The following GPATCH8 variants were observed in gnomAD, a reference collection of about 807,000 sequenced individuals.
The protein encoded by GPATCH8 is G patch domain-containing protein 8.
Under a neutral mutation model 118.3 loss-of-function variants are expected in GPATCH8, and 18 were observed. That is an observed-to-expected ratio of 0.15 (90% CI 0.11 to 0.23). The LOEUF (loss-of-function observed/expected upper bound fraction) is 0.23, where lower values mean the gene tolerates loss of function less well. Among genes scored for constraint, GPATCH8 ranks in the 10% least tolerant of loss-of-function variants. The probability of loss-of-function intolerance (pLI) is 1.00; values close to 1 mark genes in which losing one functional copy is unlikely to be tolerated. For missense variants in GPATCH8, 1,631 were observed against 1,873.8 expected (o/e 0.87, Z 2.39); for synonymous variants, 659 against 684.7 (o/e 0.96, Z 0.59).
Position 44,399,465 on chromosome 17 carries a change from G to A in GPATCH8, c.2612C>T (p.Ser871Leu), listed in dbSNP as rs757293017. 3 of 1,614,198 alleles carry A rather than the reference G, an allele frequency of 1.9e-6. No homozygotes were observed. Among genetic ancestry groups the A allele is most frequent in the Middle Eastern group, 1.6e-4 (1 of 6,062 alleles). ...GTCTGAAGAGGCATCTGAGCTACTT[G>A]AGTAAGAACGCCGGGAGGAACGATG... ...SSHRSSRRSY[S>L]SSSDASSDQS... The change falls in exon 8 of 8, where the codon TCA (serine) becomes TTA (leucine). Residue 871 changes from serine to leucine, a missense_variant. This residue lies in a region of GPATCH8 where 922 missense variants were observed against 879.7 expected (regional missense o/e 1.05). Transcript: ENST00000591680.
At chr17:44,487,270 T>C (rs1437362398) in intron 1 of GPATCH8, among the ~76,000 whole-genome samples, 1 of 152,210 alleles carries the variant, frequency 6.6e-6, no homozygotes, top group Non-Finnish European at 1.5e-5. Flanking sequence ...CCTTTTCCAA[T>C]TGGCTTCTTT....
intron 1 of GPATCH8, 111 bp downstream of exon 1, chr17:44,503,215 G>C (rs1970227495): frequency 2.0e-6 from 2 of 976,950 alleles, no homozygotes; most frequent in Non-Finnish European, 3.2e-6. Flanking sequence ...GAGCGAGCTG[G>C]TTCGCAAGTC....
intron 1 of GPATCH8, among the ~76,000 whole-genome samples, chr17:44,496,030 A>G (rs1446151125): frequency 6.6e-6 from 1 of 151,778 alleles, no homozygotes; most frequent in Non-Finnish European, 1.5e-5. Flanking sequence ...ACCACACCCA[A>G]CTAATTTTTT....
chr17:44,419,605 G>C (rs1356092192), intron 6 of GPATCH8, among the ~76,000 whole-genome samples: 2 of 151,904 alleles, frequency 1.3e-5, no homozygotes, highest in Non-Finnish European at 2.9e-5. Flanking sequence ...TCCTGGCTTA[G>C]CCTCACAAGT....
At chr17:44,436,626 G>C (rs1315021459) in intron 3 of GPATCH8, 81 bp from the exon 4 acceptor site, 2 of 793,670 alleles carry the variant, frequency 2.5e-6, no homozygotes, top group Non-Finnish European at 4.6e-6. Context: ...TGGGTGGTTA[G>C]AGATCTTGCC....
intron 1 of GPATCH8, among the ~76,000 whole-genome samples, chr17:44,487,294 A>G (rs1968859226): frequency 1.3e-5 from 2 of 152,164 alleles, no homozygotes; most frequent in Admixed American, 1.3e-4. Flanking sequence ...ATATTCTTGA[A>G]TAAGTATCCA....
intron 6 of GPATCH8, among the ~76,000 whole-genome samples, chr17:44,406,506 G>GGGGC (rs377596219): frequency 1.4e-5 from 1 of 69,312 alleles, no homozygotes; most frequent in Non-Finnish European, 3.2e-5. Context: ...TGGGGGGGGG[G>GGGGC]GGTTATTTAA....
At chr17:44,448,512 G>A in intron 3 of GPATCH8, among the ~76,000 whole-genome samples, 1 of 111,332 alleles carries the variant, frequency 9.0e-6, no homozygotes, top group African/African-American at 3.5e-5. Flanking sequence ...AAGGGGGGGG[G>A]GGGAAGAAGG....
intron 6 of GPATCH8, among the ~76,000 whole-genome samples, chr17:44,418,433 T>C (rs1489971993): frequency 6.6e-6 from 1 of 151,522 alleles, no homozygotes; most frequent in Non-Finnish European, 1.5e-5. Context: ...CCAACAAAGG[T>C]AGGAGATGAT....
intron 3 of GPATCH8, among the ~76,000 whole-genome samples, chr17:44,446,295 A>G (rs1399979570): frequency 6.6e-6 from 1 of 151,570 alleles, no homozygotes; most frequent in African/African-American, 2.4e-5. Context: ...GGCCAGGCGC[A>G]GTGGCTCACG....
At chr17:44,497,494 G>A (rs1418077290) in intron 1 of GPATCH8, among the ~76,000 whole-genome samples, 1 of 152,088 alleles carries the variant, frequency 6.6e-6, no homozygotes, top group Non-Finnish European at 1.5e-5. Flanking sequence ...AGGCTGAGGT[G>A]GGAGGATCAC....
intron 5 of GPATCH8, among the ~76,000 whole-genome samples, chr17:44,429,201 G>C (rs987012519): frequency 3.3e-5 from 5 of 152,108 alleles, no homozygotes; most frequent in Non-Finnish European, 2.9e-5. Flanking sequence ...CTGTAATAAA[G>C]TCAGAAATGA....
Position 44,396,753 on chromosome 17 carries a change from A to G in GPATCH8, c.*815T>C. The G allele has an allele frequency of 2.2e-6, 1 of 453,328 alleles. No individual in the cohort carries two copies. The highest frequency in any genetic ancestry group is 4.4e-6 in the Non-Finnish European group (1 of 226,552). 28.1% of individuals were successfully genotyped at this position (453,328 alleles called of 1,614,324 possible). On this transcript the variant is annotated 3_prime_UTR_variant, in exon 8 of 8. Transcript: ENST00000591680. ...TACAAAAAGCAGCATTTACGTTTAT[A>G]GAGTTCAGTGCAATTTTTTACATTA...
At chr17:44,435,807 A>C (rs1455848729) in intron 4 of GPATCH8, among the ~76,000 whole-genome samples, 2 of 148,416 alleles carry the variant, frequency 1.3e-5, no homozygotes, top group Non-Finnish European at 3.0e-5. Context: ...GGGTCACCTG[A>C]GGTCAAGAGT....
At chr17:44,442,589 TGAGTA>T (rs965346561) in intron 3 of GPATCH8, among the ~76,000 whole-genome samples, 1 of 152,172 alleles carries the variant, frequency 6.6e-6, no homozygotes, top group Admixed American at 6.5e-5. Context: ...CTAGGCCTCC[TGAGTA>T]GCTGACACTA....
chr17:44,460,696 T>C (rs540841180), intron 3 of GPATCH8, among the ~76,000 whole-genome samples: 146 of 152,288 alleles, frequency 9.6e-4, no homozygotes, highest in African/African-American at 2.2e-3. Context: ...AAAAGGAAAG[T>C]TGACAATGAA....
chr17:44,461,253 T>C (rs1048898189), intron 3 of GPATCH8, among the ~76,000 whole-genome samples: 19 of 151,864 alleles, frequency 1.3e-4, no homozygotes, highest in African/African-American at 4.4e-4. Flanking sequence ...CCAATCATAG[T>C]TCACTGCATC....
chr17:44,404,711 T>C (rs1293030795), intron 7 of GPATCH8, among the ~76,000 whole-genome samples: 1 of 152,192 alleles, frequency 6.6e-6, no homozygotes, highest in Non-Finnish European at 1.5e-5. Context: ...CAGTATATTA[T>C]ACTATAATTA....
At position 44,399,988 on chromosome 17, in the gene GPATCH8, C is replaced by T. The variant is rs1598402471; in HGVS notation, c.2089G>A (p.Glu697Lys). Reference protein sequence around the residue: ...HKRKHKADTEEKSSKAESGEK... With the variant: ...HKRKHKADTEKKSSKAESGEK... ...CCTGACTCTGCCTTAGAGCTTTTCTCTTCTGTGTCAGCCTTGTGTTTACGT... is the reference window on the plus strand; with the variant it reads ...CCTGACTCTGCCTTAGAGCTTTTCTTTTCTGTGTCAGCCTTGTGTTTACGT... The change falls in exon 8 of 8, where the codon GAG becomes AAG. Residue 697 changes from glutamate to lysine, a missense_variant. Coordinates refer to ENST00000591680, the MANE Select transcript of GPATCH8 (RefSeq NM_001002909.4). 2 of 1,613,964 alleles carry T rather than the reference C, an allele frequency of 1.2e-6. No individual in the cohort carries two copies. The highest frequency in any genetic ancestry group is 2.7e-5 in the African/African-American group (2 of 74,890).
Sources: allele counts gnomAD v4.1 joint callset (sites outside exome capture counted in the v4.1 genomes callset), GRCh38; gene constraint gnomAD v4.1.1; regional missense constraint gnomAD v4.1.1; transcripts MANE v1.5; gene names NCBI Gene and HGNC (gene_info 2026-07-23, HGNC 2026-07-21).